Variants in FKBP7 observed in about 807,000 individuals in gnomAD.
The protein encoded by FKBP7 is peptidyl-prolyl cis-trans isomerase FKBP7.
A neutral mutation model predicts 24.3 loss-of-function variants in FKBP7; 24 were observed. That is an observed-to-expected ratio of 0.99 (90% CI 0.72 to 1.39). The LOEUF is 1.39. Ranked by LOEUF, FKBP7 falls within the 40% of genes most tolerant of loss-of-function variation. FKBP7 has a pLI of 0.00. For missense variants in FKBP7, 257 were observed against 269.5 expected (o/e 0.95, Z 0.33); for synonymous variants, 98 against 92.8 (o/e 1.06, Z -0.32).
chr2:178,469,809 T>C, intron 2 of FKBP7, 24 bp from the exon 3 acceptor site: 3 of 1,598,868 alleles, frequency 1.9e-6, no homozygotes, highest in Non-Finnish European at 2.6e-6. Flanking sequence ...TTTTAACAGT[T>C]TAACTTATGT....
chr2:178,470,708 G>A (rs1684823754), intron 2 of FKBP7, among the ~76,000 whole-genome samples: 6 of 151,640 alleles, frequency 4.0e-5, no homozygotes, highest in Admixed American at 3.9e-4. Flanking sequence ...TAGCACTCTG[G>A]GAGACCGAGA....
intron 2 of FKBP7, among the ~76,000 whole-genome samples, chr2:178,472,718 G>A (rs1235847334): frequency 5.9e-5 from 9 of 151,708 alleles, no homozygotes; most frequent in South Asian, 2.1e-4. Flanking sequence ...GCATGGTGGC[G>A]TGTGCCTGTA....
rs1304046307 is a variant in FKBP7, at chr2:178,464,578, T to G, written c.*1192A>C. 5 of 152,218 alleles carry G rather than the reference T, an allele frequency of 3.3e-5. No individual in the cohort carries two copies. The highest frequency in any genetic ancestry group is 4.8e-5 in the African/African-American group (2 of 41,454). 9.4% of individuals were successfully genotyped at this position (152,218 alleles called of 1,614,324 possible). ...GGGAAAACCACCCCCATGATTCAGTTACCTCCACCTGGTCTCTCCATTGAC... is the reference window on the plus strand; with the variant it reads ...GGGAAAACCACCCCCATGATTCAGTGACCTCCACCTGGTCTCTCCATTGAC... On this transcript the variant is annotated 3_prime_UTR_variant, in exon 4 of 4. Coordinates refer to ENST00000424785, the MANE Select transcript of FKBP7 (RefSeq NM_181342.3).
chr2:178,470,388 C>G (rs1684817170), intron 2 of FKBP7, among the ~76,000 whole-genome samples: 1 of 152,172 alleles, frequency 6.6e-6, no homozygotes, highest in Non-Finnish European at 1.5e-5. Context: ...GGGGCTTGAG[C>G]TTCTGTGGAT....
chr2:178,467,710 T>C (rs1445294597), intron 3 of FKBP7: 3 of 152,210 alleles, frequency 2.0e-5, no homozygotes, highest in African/African-American at 7.2e-5. Context: ...TGTAGATAAG[T>C]AGATTACTAT....
At chr2:178,467,627 T>C (rs1684709806) in intron 3 of FKBP7, among the ~76,000 whole-genome samples, 2 of 152,228 alleles carry the variant, frequency 1.3e-5, no homozygotes, top group South Asian at 4.1e-4. Context: ...GCTATTGTTA[T>C]TCAAGTTAGT....
chr2:178,468,435 T>C (rs1028093779), intron 3 of FKBP7, among the ~76,000 whole-genome samples: 17 of 151,872 alleles, frequency 1.1e-4, no homozygotes, highest in Non-Finnish European at 1.6e-4. Context: ...GGAGAATCAC[T>C]TGAGGCCAGG....
At position 178,464,041 on chromosome 2, in the gene FKBP7, G is replaced by A. The variant is rs966602795; in HGVS notation, c.*1729C>T. The A allele has an allele frequency of 3.3e-5, 5 of 152,126 alleles. No individual in the cohort carries two copies. Among genetic ancestry groups the A allele is most frequent in the African/African-American group, 1.2e-4 (5 of 41,418 alleles). 9.4% of individuals were successfully genotyped at this position (152,126 alleles called of 1,614,324 possible). A position where few individuals can be genotyped will look rare whatever the true frequency, so the allele number is the denominator to read the frequency against. On this transcript the variant is annotated 3_prime_UTR_variant, in exon 4 of 4. Transcript: ENST00000424785. ...GAAGGAAAAGATAGTACAGATTCTT[G>A]TTTTATAAGGTGTCAAATTATGTGC...
Position 178,465,586 on chromosome 2 carries a change from C to A in FKBP7, c.*184G>T. 2 of 467,282 alleles carry A rather than the reference C, an allele frequency of 4.3e-6. No homozygotes were observed. Among genetic ancestry groups the A allele is most frequent in the Non-Finnish European group, 3.6e-6 (1 of 274,888 alleles). The allele number at this position is 467,282 out of a possible 1,614,324, so 28.9% of individuals were successfully genotyped here. On this transcript the variant is annotated 3_prime_UTR_variant, in exon 4 of 4. Coordinates refer to ENST00000424785, the MANE Select transcript of FKBP7 (RefSeq NM_181342.3). ...TAAAGCAGTAGGAAACACAGTCATACCATTCCTGCAAGTTAAGTTTGCAAA... is the reference window on the plus strand; with the variant it reads ...TAAAGCAGTAGGAAACACAGTCATAACATTCCTGCAAGTTAAGTTTGCAAA...
chr2:178,477,407 C>T (rs1450741027), intron 1 of FKBP7, among the ~76,000 whole-genome samples, 194 bp from the exon 2 acceptor site: 1 of 152,170 alleles, frequency 6.6e-6, no homozygotes, highest in Non-Finnish European at 1.5e-5. Flanking sequence ...CAAAGTTAAT[C>T]ATTAACAGCC....
intron 3 of FKBP7, among the ~76,000 whole-genome samples, chr2:178,466,255 C>T (rs1684653889): frequency 6.6e-6 from 1 of 152,110 alleles, no homozygotes; most frequent in Admixed American, 6.5e-5. Flanking sequence ...GAAAATCACG[C>T]ATGACTGCCA....
chr2:178,469,580 T>C, intron 3 of FKBP7, 72 bp downstream of exon 3: 1 of 1,499,928 alleles, frequency 6.7e-7, no homozygotes, highest in African/African-American at 1.4e-5. Flanking sequence ...TAAAAAGTAA[T>C]AGTTGTAACA....
intron 2 of FKBP7, among the ~76,000 whole-genome samples, chr2:178,472,078 G>GTT (rs1005052995): frequency 0.022 from 2,975 of 135,396 alleles, 105 homozygotes; most frequent in African/African-American, 0.071. Flanking sequence ...TTTTCTTTTC[G>GTT]TTTTTTTTTT....
At chr2:178,467,356 A>G (rs530565724) in intron 3 of FKBP7, among the ~76,000 whole-genome samples, 3 of 152,174 alleles carry the variant, frequency 2.0e-5, no homozygotes, top group African/African-American at 4.8e-5. Flanking sequence ...TCTTTTTTAA[A>G]TGTTCCTTCC....
chr2:178,465,655 T>A lies in FKBP7; in HGVS notation c.*115A>T. Reference sequence around the variant, plus strand: ...TACCAAAATCAATGTATTGGGGAGATCAAAATATCTTCTCATAGGGGAAAA... The same window carrying A: ...TACCAAAATCAATGTATTGGGGAGAACAAAATATCTTCTCATAGGGGAAAA... On this transcript the variant is annotated 3_prime_UTR_variant, in exon 4 of 4. Coordinates refer to ENST00000424785, the MANE Select transcript of FKBP7 (RefSeq NM_181342.3). The A allele has an allele frequency of 9.8e-7, 1 of 1,020,340 alleles. No homozygotes were observed. The highest frequency in any genetic ancestry group is 1.3e-6 in the Non-Finnish European group (1 of 742,242). 63.2% of individuals were successfully genotyped at this position (1,020,340 alleles called of 1,614,324 possible).
At position 178,465,863 on chromosome 2, in the gene FKBP7, T is replaced by C. The variant is rs763010239; in HGVS notation, c.576A>G (p.Ala192=). The change falls in exon 4 of 4, where the codon GCA becomes GCG. Residue 192 remains alanine, a synonymous_variant. Transcript: ENST00000424785. The part of the protein sequence containing the change: ...EKPRDKSYQD[A]VLEDIFKKND... ...TCTTCTTAAAAATATCTTCTAAAAC[T>C]GCATCCTGATATGACTTGTCACGTG... 1.2e-6 allele frequency: 2 copies of C among 1,612,378 alleles called. No individual in the cohort carries two copies. The highest frequency in any genetic ancestry group is 2.2e-5 in the South Asian group (2 of 90,664).
chr2:178,468,488 TAAA>T (rs748822390), intron 3 of FKBP7, among the ~76,000 whole-genome samples: 1 of 139,820 alleles, frequency 7.2e-6, no homozygotes, highest in Admixed American at 7.2e-5. Context: ...CTCCATCTCT[TAAA>T]AAAAAAAAAA....
intron 2 of FKBP7, chr2:178,473,055 C>A: frequency 7.7e-7 from 1 of 1,303,834 alleles, no homozygotes; most frequent in Non-Finnish European, 1.0e-6. Flanking sequence ...TAAGCACTAA[C>A]AAGTCACATG....
intron 2 of FKBP7, among the ~76,000 whole-genome samples, chr2:178,472,851 C>CA (rs71674220): frequency 0.8 from 49,644 of 62,336 alleles, 19,580 homozygotes; most frequent in East Asian, 0.98. Context: ...GACTCCATCT[C>CA]AAAAAAAAAA....
Sources: allele counts gnomAD v4.1 joint callset (sites outside exome capture counted in the v4.1 genomes callset), GRCh38; gene constraint gnomAD v4.1.1; transcripts MANE v1.5; gene names NCBI Gene and HGNC (gene_info 2026-07-23, HGNC 2026-07-21).